FAM53A: variants seen among roughly 807,000 people sequenced by gnomAD.
FAM53A encodes the protein family with sequence similarity 53 member A.
In FAM53A, 28 loss-of-function variants were observed where a neutral mutation model predicts 26.6. The observed-to-expected ratio is 1.05, with a 90% CI of 0.78 to 1.45. The LOEUF (loss-of-function observed/expected upper bound fraction) is 1.45. Ranked by LOEUF, FAM53A falls within the 40% of genes most tolerant of loss-of-function variation. The pLI is 0.00. For missense variants in FAM53A, 650 were observed against 575.8 expected (o/e 1.13, Z -1.32); for synonymous variants, 290 against 253.1 (o/e 1.15, Z -1.38).
chr4:1,618,822 GCCCCGACCCCCAGC>G lies in FAM53A; in HGVS notation c.432-725_432-712del, dbSNP rs1044098578. Among the ~76,000 whole-genome samples the G allele has an allele frequency of 5.3e-5, 8 of 152,238 alleles. No individual in the cohort carries two copies. The East Asian group carries it at 5.8e-4, about 11-fold the overall frequency. On this transcript the variant is annotated intron_variant, in intron 1 of 1. Transcript: ENST00000489029. ...GGAATGCCACCGCACAGATAAGCCAGCCCCGACCCCCAGCCCCCGACCCCCAGCCCTCTCACTGG... is the reference window on the plus strand; with the variant it reads ...GGAATGCCACCGCACAGATAAGCCAGCCCCGACCCCCAGCCCTCTCACTGG...
At chr4:1,603,118 G>A in the FAM53A span, among the ~76,000 whole-genome samples, 1 of 152,152 alleles carries the variant, frequency 6.6e-6, no homozygotes, top group East Asian at 1.9e-4. Flanking sequence ...TCGGTGGGAA[G>A]CCCAGCTGTG....
In FAM53A at chr4:1,644,177, G is replaced by C. The variant is rs1228249320; in HGVS notation, c.883-2570C>G. 19 of 1,534,864 alleles carry C rather than the reference G, an allele frequency of 1.2e-5. No individual in the cohort carries two copies. The East Asian group carries it at 3.9e-4, about 32-fold the overall frequency. ...ACTACACACGCACCGGGGTGGCGGG[G>C]ACGCTACGCACCTTCAGGGGCCAGG... is the stretch of plus-strand genomic sequence containing the variant. On this transcript the variant is annotated intron_variant, in intron 4 of 4. Coordinates refer to ENST00000308132, the MANE Select transcript of FAM53A (RefSeq NM_001174070.3).
chr4:1,623,929 G>C (rs917251385), intron 1 of FAM53A, among the ~76,000 whole-genome samples: 1 of 152,208 alleles, frequency 6.6e-6, no homozygotes, highest in African/African-American at 2.4e-5. Flanking sequence ...ACAGCCCCCA[G>C]GCCAGGAGAT....
At chr4:1,592,140 G>T in the FAM53A span, among the ~76,000 whole-genome samples, 1 of 152,108 alleles carries the variant, frequency 6.6e-6, no homozygotes, top group Non-Finnish European at 1.5e-5. Context: ...TGTTAATGCA[G>T]CTCTCTGAGG....
At chr4:1,652,523 A>C (rs1458892129) in intron 4 of FAM53A, among the ~76,000 whole-genome samples, 2 of 143,902 alleles carry the variant, frequency 1.4e-5, no homozygotes, top group African/African-American at 5.2e-5. Context: ...CACACACCAT[A>C]TACTCTACCA....
chr4:1,666,418 CT>C (rs1245606741), intron 2 of FAM53A, among the ~76,000 whole-genome samples: 1 of 151,314 alleles, frequency 6.6e-6, no homozygotes, highest in Non-Finnish European at 1.5e-5. Context: ...CTGTACCCCC[CT>C]GTATCTAAAA....
chr4:1,577,157 T>G, the FAM53A span, among the ~76,000 whole-genome samples: 1 of 152,256 alleles, frequency 6.6e-6, no homozygotes, highest in African/African-American at 2.4e-5. Flanking sequence ...CCAGATCACC[T>G]GCCTGACCAC....
At chr4:1,658,174 C>T (rs749583770) in intron 2 of FAM53A, among the ~76,000 whole-genome samples, 6 of 151,574 alleles carry the variant, frequency 4.0e-5, no homozygotes, top group Non-Finnish European at 8.8e-5. Context: ...CCACGCCCAG[C>T]TAATTTTGTT....
the FAM53A span, among the ~76,000 whole-genome samples, chr4:1,595,694 C>T: frequency 2.0e-5 from 3 of 152,268 alleles, no homozygotes; most frequent in African/African-American, 7.2e-5. Context: ...AGCGCCAGCA[C>T]ACAGCTCCCA....
downstream of FAM53A, among the ~76,000 whole-genome samples, chr4:1,614,559 A>G (rs1027165227): frequency 1.3e-5 from 2 of 151,774 alleles, no homozygotes; most frequent in Non-Finnish European, 2.9e-5. Flanking sequence ...ACAACAGAAG[A>G]GGCACAGCCC....
the FAM53A span, among the ~76,000 whole-genome samples, chr4:1,609,564 C>T: frequency 1.3e-5 from 2 of 152,118 alleles, no homozygotes; most frequent in African/African-American, 2.4e-5. Flanking sequence ...CTTCCCCCTT[C>T]GCCAGGCTCT....
chr4:1,601,234 G>GGGGGAGATGGGATGGGGGA, the FAM53A span, among the ~76,000 whole-genome samples: 21 of 119,922 alleles, frequency 1.8e-4, no homozygotes, highest in Middle Eastern at 4.0e-3. Flanking sequence ...GCAACAGGTC[G>GGGGGAGATGGGATGGGGGA]GACACCCACC....
intron 1 of FAM53A, among the ~76,000 whole-genome samples, chr4:1,623,986 G>T (rs975487700): frequency 6.6e-6 from 1 of 152,144 alleles, no homozygotes; most frequent in African/African-American, 2.4e-5. Flanking sequence ...GAGGGCCCAG[G>T]GGCCATGCCT....
the FAM53A span, among the ~76,000 whole-genome samples, chr4:1,583,885 G>T: frequency 1.3e-5 from 2 of 152,318 alleles, no homozygotes; most frequent in South Asian, 4.1e-4. Context: ...TCTCTGATGG[G>T]TGCAGAGTTT....
the FAM53A span, among the ~76,000 whole-genome samples, chr4:1,576,481 A>C: frequency 1.3e-5 from 2 of 152,248 alleles, no homozygotes; most frequent in African/African-American, 4.8e-5. Flanking sequence ...GCCGCGCTTG[A>C]CTAATCTGCC....
At chr4:1,596,768 G>A in the FAM53A span, among the ~76,000 whole-genome samples, 1 of 152,252 alleles carries the variant, frequency 6.6e-6, no homozygotes, top group Non-Finnish European at 1.5e-5. Flanking sequence ...TTTAAAAGGG[G>A]GAAAGACAGA....
At chr4:1,616,745 G>A (rs765122314), downstream of FAM53A, among the ~76,000 whole-genome samples, 15 of 152,188 alleles carry the variant, frequency 9.9e-5, no homozygotes, top group South Asian at 2.1e-4. Flanking sequence ...TGCCTGCTTC[G>A]GTCTGTCCCG....
chr4:1,602,055 G>C, the FAM53A span, among the ~76,000 whole-genome samples: 1 of 151,798 alleles, frequency 6.6e-6, no homozygotes, highest in Non-Finnish European at 1.5e-5. Flanking sequence ...GAGATGGGAC[G>C]GTGGGTGTCA....
At chr4:1,632,635 G>A (rs943596871) in intron 1 of FAM53A, among the ~76,000 whole-genome samples, 1 of 152,270 alleles carries the variant, frequency 6.6e-6, no homozygotes, top group African/African-American at 2.4e-5. Flanking sequence ...AACGAAGCCT[G>A]AGTCCTCTCA....
Sources: allele counts gnomAD v4.1 joint callset (sites outside exome capture counted in the v4.1 genomes callset), GRCh38; gene constraint gnomAD v4.1.1; transcripts MANE v1.5; gene names NCBI Gene and HGNC (gene_info 2026-07-23, HGNC 2026-07-21).